STXBP5L: variants seen among roughly 807,000 people sequenced by gnomAD.
STXBP5L encodes the protein syntaxin binding protein 5L, also known as syntaxin-binding protein 5-like.
In STXBP5L, 65 loss-of-function variants were observed where a neutral mutation model predicts 144.5. The observed-to-expected ratio is 0.45, with a 90% CI of 0.37 to 0.55. STXBP5L has a LOEUF of 0.55. Ranked by LOEUF, STXBP5L falls within the 20% of genes least tolerant of loss-of-function variation. STXBP5L has a pLI of 0.00. For synonymous variants in STXBP5L, 505 were observed against 469.6 expected (o/e 1.08, Z -0.97); for missense variants, 1,298 against 1,405.5 (o/e 0.92, Z 1.22).
At chr3:121,200,926 GTGTTA>G (rs958836240) in intron 9 of STXBP5L, among the ~76,000 whole-genome samples, 42 of 152,288 alleles carry the variant, frequency 2.8e-4, no homozygotes, top group African/African-American at 9.9e-4. Flanking sequence ...TTTAGAATAA[GTGTTA>G]TGTGGCACTG....
At chr3:121,027,603 A>T (rs1044163128) in intron 3 of STXBP5L, among the ~76,000 whole-genome samples, 16 of 151,758 alleles carry the variant, frequency 1.1e-4, no homozygotes, top group Non-Finnish European at 1.9e-4. Flanking sequence ...AGTCTATTTC[A>T]TGTTGCATTA....
chr3:121,250,666 G>A (rs2050000281), intron 14 of STXBP5L, 57 bp from the exon 15 acceptor site: 16 of 1,400,034 alleles, frequency 1.1e-5, no homozygotes, highest in South Asian at 1.2e-5. Flanking sequence ...TACATTTGGA[G>A]TGATTATGAT....
At chr3:121,209,604 C>T (rs545351556) in intron 10 of STXBP5L, among the ~76,000 whole-genome samples, 1 of 152,038 alleles carries the variant, frequency 6.6e-6, no homozygotes, top group South Asian at 2.1e-4. Flanking sequence ...CATGACAGGC[C>T]CCAGTGTGTG....
chr3:121,058,150 A>G (rs1169786535), intron 5 of STXBP5L, among the ~76,000 whole-genome samples: 1 of 152,008 alleles, frequency 6.6e-6, no homozygotes, highest in Non-Finnish European at 1.5e-5. Flanking sequence ...CAACAGGACC[A>G]GTGTGTGATA....
At chr3:121,072,495 G>T (rs2041849026) in intron 5 of STXBP5L, among the ~76,000 whole-genome samples, 3 of 152,212 alleles carry the variant, frequency 2.0e-5, no homozygotes, top group Non-Finnish European at 4.4e-5. Context: ...ACTGCTTTAT[G>T]AACCGGGGGG....
chr3:121,329,400 A>G (rs1281681855), intron 20 of STXBP5L, among the ~76,000 whole-genome samples: 1 of 152,234 alleles, frequency 6.6e-6, no homozygotes, highest in East Asian at 1.9e-4. Flanking sequence ...TTAATTACTC[A>G]TTATTGGTCC....
intron 24 of STXBP5L, among the ~76,000 whole-genome samples, chr3:121,414,590 TTGAC>T (rs2047190645): frequency 2.0e-5 from 3 of 152,320 alleles, no homozygotes. Context: ...AGTTATCCAG[TTGAC>T]TGAATGGTTG....
At chr3:121,066,336 T>A (rs2041540882) in intron 5 of STXBP5L, among the ~76,000 whole-genome samples, 1 of 150,182 alleles carries the variant, frequency 6.7e-6, no homozygotes, top group South Asian at 2.1e-4. Context: ...TAAGAAAGTT[T>A]ATTTTGCTCT....
chr3:121,159,407 G>A (rs1402794898), intron 9 of STXBP5L, among the ~76,000 whole-genome samples: 3 of 151,912 alleles, frequency 2.0e-5, no homozygotes, highest in African/African-American at 7.2e-5. Context: ...GAGGCCTCAA[G>A]TGATCCTCCC....
intron 9 of STXBP5L, among the ~76,000 whole-genome samples, chr3:121,191,448 A>G (rs1004177281): frequency 1.7e-4 from 26 of 152,182 alleles, no homozygotes; most frequent in Admixed American, 3.9e-4. Context: ...CTGAGGCAGG[A>G]GAATCAGGCA....
intron 19 of STXBP5L, among the ~76,000 whole-genome samples, chr3:121,293,940 T>C (rs1244085380): frequency 2.6e-5 from 4 of 152,160 alleles, no homozygotes; most frequent in South Asian, 2.1e-4. Context: ...ACAGAAAGAA[T>C]GCAAGGAAGC....
chr3:121,301,341 C>T (rs2051895853), intron 19 of STXBP5L, among the ~76,000 whole-genome samples: 1 of 152,150 alleles, frequency 6.6e-6, no homozygotes. Flanking sequence ...ATTTGGCTCT[C>T]TGTTTGTCTG....
intron 20 of STXBP5L, among the ~76,000 whole-genome samples, chr3:121,356,683 T>G (rs776724931): frequency 1.3e-5 from 2 of 152,130 alleles, no homozygotes; most frequent in Non-Finnish European, 2.9e-5. Context: ...CAGCTCACCC[T>G]CCATGGGCTG....
rs2047312611 is a variant in STXBP5L at position 121,419,380 on chromosome 3, G to A, written c.*283G>A. ...ATAAGGATTTATATTTAGTAACTAC[G>A]GGGAGTCCTCTTGATTTGAAAATTC... On this transcript the variant is annotated 3_prime_UTR_variant, in exon 27 of 27. Coordinates refer to ENST00000471454, the MANE Select transcript of STXBP5L (RefSeq NM_001308330.2). 1.1e-5 allele frequency: 3 copies of A among 278,624 alleles called. No individual in the cohort carries two copies. Among genetic ancestry groups the A allele is most frequent in the African/African-American group, 2.2e-5 (1 of 45,730 alleles). The allele number at this position is 278,624 out of a possible 1,614,324, so 17.3% of individuals were successfully genotyped here.
intron 5 of STXBP5L, among the ~76,000 whole-genome samples, chr3:121,109,572 C>G (rs1210418321): frequency 6.6e-6 from 1 of 152,088 alleles, no homozygotes; most frequent in Non-Finnish European, 1.5e-5. Context: ...TTTGATTGCT[C>G]TATGGTCTGA....
intron 3 of STXBP5L, among the ~76,000 whole-genome samples, chr3:121,003,245 A>G (rs1311358185): frequency 6.6e-6 from 1 of 152,110 alleles, no homozygotes; most frequent in African/African-American, 2.4e-5. Context: ...AATGATTGCC[A>G]TTCTAACTGG....
intron 10 of STXBP5L, among the ~76,000 whole-genome samples, chr3:121,207,907 T>C (rs1311527509): frequency 6.6e-6 from 1 of 152,140 alleles, no homozygotes; most frequent in African/African-American, 2.4e-5. Flanking sequence ...AGTTCAACCA[T>C]TGTGGAAGAC....
intron 18 of STXBP5L, among the ~76,000 whole-genome samples, chr3:121,273,884 T>C (rs2108426328): frequency 6.6e-6 from 1 of 152,216 alleles, no homozygotes; most frequent in East Asian, 1.9e-4. Context: ...TTCTACTTGG[T>C]TCTTTTTTGT....
At chr3:121,162,463 A>G (rs1485855752) in intron 9 of STXBP5L, among the ~76,000 whole-genome samples, 1 of 152,214 alleles carries the variant, frequency 6.6e-6, no homozygotes, top group East Asian at 1.9e-4. Context: ...AAACCATAAA[A>G]ACCCTAGAAG....
Sources: allele counts gnomAD v4.1 joint callset (sites outside exome capture counted in the v4.1 genomes callset), GRCh38; gene constraint gnomAD v4.1.1; transcripts MANE v1.5; gene names NCBI Gene and HGNC (gene_info 2026-07-23, HGNC 2026-07-21).